Variants in RAP1GDS1 observed in about 807,000 individuals in gnomAD.
RAP1GDS1 encodes Rap1 GTPase-GDP dissociation stimulator 1.
A neutral mutation model predicts 71.1 loss-of-function variants in RAP1GDS1; 35 were observed. The observed-to-expected ratio is 0.49, with a 90% CI of 0.38 to 0.65. The LOEUF (loss-of-function observed/expected upper bound fraction) is 0.65, where lower values mean the gene tolerates loss of function less well. RAP1GDS1 is among the 30% of genes least tolerant of loss of function. RAP1GDS1 has a pLI of 0.00. For synonymous variants in RAP1GDS1, 229 were observed against 243.1 expected, an observed-to-expected ratio of 0.94 and a Z score of 0.54; for missense variants, 663 against 706.1, an observed-to-expected ratio of 0.94 and a Z score of 0.69.
chr4:98,294,151 A>C (rs758881310), intron 2 of RAP1GDS1, among the ~76,000 whole-genome samples: 18 of 152,048 alleles, frequency 1.2e-4, no homozygotes, highest in Non-Finnish European at 2.5e-4. Context: ...TAATTTCTGT[A>C]TTATCACCAT....
chr4:98,308,282 A>G lies in RAP1GDS1; in HGVS notation c.112+14767A>G, dbSNP rs937248112. Reference sequence around the variant, plus strand: ...TATACACACACACCCACACACATATATATACACACACACACTATATATATA... The same window carrying G: ...TATACACACACACCCACACACATATGTATACACACACACACTATATATATA... On this transcript the variant is annotated intron_variant, in intron 2 of 14. Transcript: ENST00000408927. Among the ~76,000 whole-genome samples, 3 of 127,632 alleles carry G rather than the reference A, an allele frequency of 2.4e-5. No individual in the cohort carries two copies. In the East Asian group the frequency reaches 7.1e-4, roughly 30 times the overall value. 83.7% of individuals were successfully genotyped at this position (127,632 alleles called of 152,430 possible). A position where few individuals can be genotyped will look rare whatever the true frequency, so the allele number is the denominator to read the frequency against.
chr4:98,337,010 T>TC (rs1734804671), intron 2 of RAP1GDS1, among the ~76,000 whole-genome samples: 1 of 152,154 alleles, frequency 6.6e-6, no homozygotes, highest in Non-Finnish European at 1.5e-5. Flanking sequence ...TTCTTATGCC[T>TC]CAGCCTCCCG....
In RAP1GDS1 at chr4:98,280,766, C is replaced by T. The variant is rs1322552690; in HGVS notation, c.5-12642C>T. 3.3e-5 allele frequency among the ~76,000 whole-genome samples: 5 copies of T among 152,032 alleles called. No individual in the cohort carries two copies. The South Asian group carries it at 8.3e-4, about 25-fold the overall frequency. The stretch of plus-strand genomic sequence containing the variant: ...AGGTCTAACATTTAAGTCTTTAATC[C>T]ATCTTGAATTAATTTTTGTATAAGG... On this transcript the variant is annotated intron_variant, in intron 1 of 14. Transcript: ENST00000408927.
At chr4:98,343,936 T>C (rs1735876923) in intron 3 of RAP1GDS1, among the ~76,000 whole-genome samples, 1 of 152,216 alleles carries the variant, frequency 6.6e-6, no homozygotes, top group African/African-American at 2.4e-5. Context: ...CTATATATAA[T>C]ACCTTTAGTT....
chr4:98,319,796 AAAAG>A (rs1368600210), intron 2 of RAP1GDS1, among the ~76,000 whole-genome samples: 2 of 151,646 alleles, frequency 1.3e-5, no homozygotes, highest in African/African-American at 2.4e-5. Context: ...AAAAAAAAAA[AAAAG>A]AGAGAAATTG....
intron 7 of RAP1GDS1, among the ~76,000 whole-genome samples, chr4:98,415,941 G>A (rs1478163904): frequency 2.0e-5 from 3 of 152,090 alleles, no homozygotes; most frequent in African/African-American, 7.2e-5. Flanking sequence ...TTTATAGACA[G>A]GGTCTCACTC....
rs1387572974 is a variant in RAP1GDS1 at position 98,324,949 on chromosome 4, C to T, written c.113-18190C>T. Among the ~76,000 whole-genome samples the T allele has an allele frequency of 2.6e-5, 4 of 151,726 alleles. No homozygotes were observed. The South Asian group carries it at 8.3e-4, about 32-fold the overall frequency. ...ATCTCATAAAACTAAAGAGCTTCTG[C>T]ACAGCAAAAGAAACTACCATCAGAG... On this transcript the variant is annotated intron_variant, in intron 2 of 14. Transcript: ENST00000408927.
At chr4:98,402,999 T>C (rs1180513771) in intron 6 of RAP1GDS1, among the ~76,000 whole-genome samples, 1 of 152,200 alleles carries the variant, frequency 6.6e-6, no homozygotes. Flanking sequence ...TAATTTAAAT[T>C]AGAAGCATCA....
At chr4:98,281,262 T>G (rs1725046899) in intron 1 of RAP1GDS1, among the ~76,000 whole-genome samples, 1 of 152,204 alleles carries the variant, frequency 6.6e-6, no homozygotes, top group South Asian at 2.1e-4. Context: ...TGTTCTTCCA[T>G]TTTTTTGTGT....
At chr4:98,406,915 T>C (rs1176578644) in intron 7 of RAP1GDS1, among the ~76,000 whole-genome samples, 1 of 152,076 alleles carries the variant, frequency 6.6e-6, no homozygotes, top group African/African-American at 2.4e-5. Flanking sequence ...TAATGGAAAT[T>C]AGAAATTTTT....
At chr4:98,350,957 G>A (rs1315262164) in intron 3 of RAP1GDS1, among the ~76,000 whole-genome samples, 1 of 152,202 alleles carries the variant, frequency 6.6e-6, no homozygotes, top group Non-Finnish European at 1.5e-5. Context: ...GCTACAGTGA[G>A]CCATTATCAT....
Position 98,379,139 on chromosome 4 carries a change from C to T in RAP1GDS1, c.484C>T (p.Leu162=). The change falls in exon 5 of 15, where the codon CTG becomes TTG. Residue 162 remains leucine, a synonymous_variant. Coordinates refer to ENST00000408927, the MANE Select transcript of RAP1GDS1 (RefSeq NM_001100427.2). ...EKLLTVFCGM[L]MNYSNENDSL... is the part of the protein sequence containing the mutation. ...GCTCTTGACTGTCTTTTGTGGCATG[C>T]TGATGAACTATAGCAATGAGAATGG... The T allele has an allele frequency of 6.2e-7, 1 of 1,606,038 alleles. No homozygotes were observed. The highest frequency in any genetic ancestry group is 1.7e-5 in the Admixed American group (1 of 58,436).
chr4:98,405,918 A>T (rs1578763116), intron 7 of RAP1GDS1, among the ~76,000 whole-genome samples: 1 of 152,110 alleles, frequency 6.6e-6, no homozygotes, highest in South Asian at 2.1e-4. Flanking sequence ...CATTTATGTG[A>T]TTTAAAATAT....
At position 98,442,892 on chromosome 4, in the gene RAP1GDS1, C is replaced by CTGTT. The variant is rs1213865832; in HGVS notation, c.*777_*780dup. 1.3e-5 allele frequency: 3 copies of CTGTT among 231,702 alleles called. No homozygotes were observed. Among genetic ancestry groups the CTGTT allele is most frequent in the Non-Finnish European group, 2.6e-5 (3 of 117,218 alleles). The allele number at this position is 231,702 out of a possible 1,614,324, so 14.4% of individuals were successfully genotyped here. A position where few individuals can be genotyped will look rare whatever the true frequency, so the allele number is the denominator to read the frequency against. ...TGTATTTTAGATTCTGATACATACG[C>CTGTT]TGTTTCACTCAGGAACTACTTCTAC... On this transcript the variant is annotated 3_prime_UTR_variant, in exon 15 of 15. Transcript: ENST00000408927.
chr4:98,295,682 T>A (rs572576581), intron 2 of RAP1GDS1, among the ~76,000 whole-genome samples: 22 of 152,236 alleles, frequency 1.4e-4, no homozygotes, highest in Admixed American at 1.4e-3. Context: ...AAAGTGAAGC[T>A]TTTTGCTGAG....
chr4:98,388,904 T>G (rs1743181757), intron 5 of RAP1GDS1, among the ~76,000 whole-genome samples: 1 of 152,116 alleles, frequency 6.6e-6, no homozygotes. Context: ...TTAAAATTAT[T>G]TAGTATTTCA....
intron 12 of RAP1GDS1, among the ~76,000 whole-genome samples, chr4:98,428,395 G>A (rs980104163): frequency 4.6e-4 from 70 of 152,268 alleles, no homozygotes; most frequent in African/African-American, 1.5e-3. Context: ...AAAAGGAACA[G>A]TCGGCAGAGT....
chr4:98,267,516 C>G (rs377707268), intron 1 of RAP1GDS1, among the ~76,000 whole-genome samples: 3 of 152,188 alleles, frequency 2.0e-5, no homozygotes, highest in Admixed American at 1.3e-4. Context: ...TCTAGTAGTC[C>G]CCAGTATCTG....
chr4:98,392,252 T>C (rs1318487576), intron 6 of RAP1GDS1, 172 bp downstream of exon 6: 1 of 580,044 alleles, frequency 1.7e-6, no homozygotes, highest in South Asian at 3.1e-5. Flanking sequence ...TTAGATCTTA[T>C]GATTGCATTG....
Sources: allele counts gnomAD v4.1 joint callset (sites outside exome capture counted in the v4.1 genomes callset), GRCh38; gene constraint gnomAD v4.1.1; transcripts MANE v1.5; gene names NCBI Gene and HGNC (gene_info 2026-07-23, HGNC 2026-07-21).